Variants in PPP2R2B observed in about 807,000 individuals in gnomAD.
PPP2R2B encodes the protein protein phosphatase 2 regulatory subunit Bbeta.
PPP2R2B carries 5 observed loss-of-function variants against 46.0 expected under a neutral mutation model. The observed-to-expected ratio is 0.11, with a 90% CI of 0.06 to 0.23. The LOEUF (loss-of-function observed/expected upper bound fraction) is 0.23, where lower values mean the gene tolerates loss of function less well. Among genes scored for constraint, PPP2R2B ranks in the 10% least tolerant of loss-of-function variants. The pLI is 1.00. For missense variants in PPP2R2B, 367 were observed against 575.0 expected (o/e 0.64, Z 3.70); for synonymous variants, 215 against 206.7 (o/e 1.04, Z -0.34).
At chr5:146,661,795 G>A (rs1458121324) in intron 5 of PPP2R2B, among the ~76,000 whole-genome samples, 3 of 152,102 alleles carry the variant, frequency 2.0e-5, no homozygotes, top group African/African-American at 7.2e-5. Flanking sequence ...TACTTTTTAT[G>A]CCAATATCAC....
intron 1 of PPP2R2B, among the ~76,000 whole-genome samples, chr5:146,974,936 A>G (rs1752832077): frequency 6.6e-6 from 1 of 151,874 alleles, no homozygotes; most frequent in Admixed American, 6.6e-5. Context: ...TGATCCGCCC[A>G]CCTCTGCCTC....
chr5:147,046,872 G>T (rs1756568385), intron 1 of PPP2R2B, among the ~76,000 whole-genome samples: 1 of 152,048 alleles, frequency 6.6e-6, no homozygotes, highest in Admixed American at 6.6e-5. Context: ...CCTCTGCTAA[G>T]TTCCTTATGG....
intron 2 of PPP2R2B, among the ~76,000 whole-genome samples, chr5:146,816,143 C>G (rs1757918825): frequency 6.6e-6 from 1 of 152,106 alleles, no homozygotes; most frequent in Non-Finnish European, 1.5e-5. Context: ...TGGGCTCATG[C>G]CTGTAATCCT....
intron 1 of PPP2R2B, among the ~76,000 whole-genome samples, chr5:146,987,201 C>A (rs1580758425): frequency 6.6e-6 from 1 of 152,154 alleles, no homozygotes; most frequent in South Asian, 2.1e-4. Flanking sequence ...CTCAGACAAA[C>A]AAAAGTTTAA....
intron 2 of PPP2R2B, among the ~76,000 whole-genome samples, chr5:146,736,015 C>T (rs992120080): frequency 6.6e-6 from 1 of 152,130 alleles, no homozygotes; most frequent in Non-Finnish European, 1.5e-5. Context: ...CCATAATCCC[C>T]ACGTGTTATG....
In PPP2R2B at chr5:147,044,498, C is replaced by A. The variant is rs183719663; in HGVS notation, c.79+11167G>T. Among the ~76,000 whole-genome samples the A allele has an allele frequency of 3.3e-4, 50 of 152,166 alleles. 1 individual carries two copies. In the East Asian group the frequency reaches 8.5e-3, roughly 26 times the overall value. ...CTGTTTTCCTTGCATAATATATTTT[C>A]TTTCTTTCTTTTTTGTTTAAAAAGT... On this transcript the variant is annotated intron_variant, in intron 1 of 8. Transcript: ENST00000336640.
chr5:147,042,283 G>A (rs754602299), intron 1 of PPP2R2B, among the ~76,000 whole-genome samples: 5 of 151,968 alleles, frequency 3.3e-5, no homozygotes, highest in East Asian at 3.9e-4. Flanking sequence ...CTTCAGGGCC[G>A]AGAGAACTTT....
At chr5:147,054,717 AAG>A in intron 1 of PPP2R2B, 1 of 456,152 alleles carries the variant, frequency 2.2e-6, no homozygotes, top group Non-Finnish European at 4.4e-6. Flanking sequence ...GCTCAGTTCC[AAG>A]AGAGTGTGGC....
chr5:146,923,386 G>A (rs1763674817), intron 1 of PPP2R2B, among the ~76,000 whole-genome samples: 2 of 152,202 alleles, frequency 1.3e-5, no homozygotes, highest in Non-Finnish European at 2.9e-5. Context: ...ATCTTCCAGA[G>A]CGCTCTCAAG....
At chr5:146,962,594 T>G (rs1752221961) in intron 1 of PPP2R2B, among the ~76,000 whole-genome samples, 1 of 151,874 alleles carries the variant, frequency 6.6e-6, no homozygotes, top group South Asian at 2.1e-4. Context: ...GAGGCAGAGG[T>G]TGCAGTGAGC....
intron 5 of PPP2R2B, among the ~76,000 whole-genome samples, chr5:146,673,213 G>A (rs1014303592): frequency 6.6e-6 from 1 of 152,140 alleles, no homozygotes; most frequent in Non-Finnish European, 1.5e-5. Context: ...ATTTGGCATG[G>A]CACATTGTTT....
At chr5:147,040,814 A>G (rs1756257688) in intron 1 of PPP2R2B, 2 of 438,522 alleles carry the variant, frequency 4.6e-6, no homozygotes, top group Non-Finnish European at 9.0e-6. Flanking sequence ...TCCTTAAAAA[A>G]AAAAAAAAAA....
chr5:146,832,379 CTTTTTTTTTTT>C (rs34269274), intron 2 of PPP2R2B, among the ~76,000 whole-genome samples: 1,275 of 70,306 alleles, frequency 0.018, 37 homozygotes, highest in African/African-American at 0.061. Context: ...CATTTTTAAT[CTTTTTTTTTTT>C]TTTTTTTTTT....
chr5:146,872,792 A>G (rs79005587), intron 2 of PPP2R2B, among the ~76,000 whole-genome samples: 215 of 152,308 alleles, frequency 1.4e-3, no homozygotes, highest in African/African-American at 4.9e-3. Flanking sequence ...GTGGTTATTT[A>G]TGCTTACCAA....
chr5:146,987,696 G>C (rs1289320388), intron 1 of PPP2R2B, among the ~76,000 whole-genome samples: 1 of 151,880 alleles, frequency 6.6e-6, no homozygotes, highest in Non-Finnish European at 1.5e-5. Flanking sequence ...AAAGAAGACA[G>C]TAAGAGAGGA....
chr5:146,766,427 A>C (rs1447178080), intron 2 of PPP2R2B, among the ~76,000 whole-genome samples: 1 of 152,214 alleles, frequency 6.6e-6, no homozygotes. Flanking sequence ...TAAATGCCTA[A>C]GCCAGGAGTG....
chr5:146,604,071 C>T (rs773036919), intron 7 of PPP2R2B, among the ~76,000 whole-genome samples: 3 of 152,114 alleles, frequency 2.0e-5, no homozygotes, highest in Non-Finnish European at 4.4e-5. Context: ...GCTAAAGACA[C>T]AATAATGAAC....
At chr5:146,876,406 A>C (rs971325223) in intron 2 of PPP2R2B, among the ~76,000 whole-genome samples, 13 of 146,906 alleles carry the variant, frequency 8.8e-5, no homozygotes, top group Non-Finnish European at 4.5e-5. Context: ...ACAAGAAAAC[A>C]TGAAGGCAGC....
intron 2 of PPP2R2B, among the ~76,000 whole-genome samples, chr5:146,792,287 A>G (rs1308170099): frequency 6.6e-6 from 1 of 152,238 alleles, no homozygotes; most frequent in Non-Finnish European, 1.5e-5. Flanking sequence ...TGGCCAATAC[A>G]GTGACAAAAT....
Sources: allele counts gnomAD v4.1 joint callset (sites outside exome capture counted in the v4.1 genomes callset), GRCh38; gene constraint gnomAD v4.1.1; transcripts MANE v1.5; gene names NCBI Gene and HGNC (gene_info 2026-07-23, HGNC 2026-07-21).